The following CNKSR3 variants were observed in gnomAD, a reference collection of about 807,000 sequenced individuals.
CNKSR3 encodes connector enhancer of kinase suppressor of ras 3.
CNKSR3 carries 36 observed loss-of-function variants against 67.7 expected under a neutral mutation model. That is an observed-to-expected ratio of 0.53 (90% CI 0.41 to 0.70). The LOEUF is 0.70. Ranked by LOEUF, CNKSR3 falls within the 30% of genes least tolerant of loss-of-function variation. The probability of loss-of-function intolerance (pLI) is 0.00; values close to 1 mark genes in which losing one functional copy is unlikely to be tolerated. For missense variants in CNKSR3, 630 were observed against 695.2 expected, an observed-to-expected ratio of 0.91 and a Z score of 1.05; for synonymous variants, 281 against 271.4, an observed-to-expected ratio of 1.04 and a Z score of -0.35.
chr6:154,486,801 C>CT (rs913648049), intron 1 of CNKSR3, among the ~76,000 whole-genome samples: 6 of 152,032 alleles, frequency 3.9e-5, no homozygotes, highest in African/African-American at 1.4e-4. Context: ...GCCATCTTTT[C>CT]TTTTTTTAAA....
chr6:154,425,683 T>C (rs1460648445), intron 7 of CNKSR3, among the ~76,000 whole-genome samples: 2 of 151,904 alleles, frequency 1.3e-5, no homozygotes, highest in African/African-American at 4.8e-5. Flanking sequence ...ACACTGCTTG[T>C]CTGACTTTGG....
In CNKSR3 at chr6:154,434,348, C is replaced by T. The variant is rs1785428642; in HGVS notation, c.508-841G>A. ...AAAAAAAAATCGATACAACTAGATT[C>T]TATAGAGTTTATTCAGCCCTATTAA... is the stretch of plus-strand genomic sequence containing the variant. On this transcript the variant is annotated intron_variant, in intron 4 of 12. Coordinates refer to ENST00000607772, the MANE Select transcript of CNKSR3 (RefSeq NM_173515.4). Among the ~76,000 whole-genome samples, 4 of 152,152 alleles carry T rather than the reference C, an allele frequency of 2.6e-5. No individual in the cohort carries two copies. In the South Asian group the frequency reaches 6.2e-4, roughly 24 times the overall value.
chr6:154,464,363 C>G (rs927388238), intron 1 of CNKSR3, among the ~76,000 whole-genome samples: 1 of 152,134 alleles, frequency 6.6e-6, no homozygotes, highest in African/African-American at 2.4e-5. Context: ...ATTCTACTCT[C>G]GGAAACATTC....
rs1231933559 is a variant in CNKSR3 at position 154,395,149 on chromosome 6, G to C, written c.*11205C>G. 11 of 152,128 alleles carry C rather than the reference G, an allele frequency of 7.2e-5. No homozygotes were observed. The highest frequency in any genetic ancestry group is 2.4e-4 in the African/African-American group (10 of 41,428). 9.4% of individuals were successfully genotyped at this position (152,128 alleles called of 1,614,324 possible). On this transcript the variant is annotated 3_prime_UTR_variant, in exon 13 of 13. Transcript: ENST00000607772. ...GACGCGTGCTCCCCCTGCAAGGAGA[G>C]AAGGAAAAAGTAAGAGTTTTCTTAT...
intron 9 of CNKSR3, chr6:154,414,825 G>C (rs1784984569): frequency 1.1e-5 from 5 of 473,438 alleles, no homozygotes; most frequent in Non-Finnish European, 1.7e-5. Flanking sequence ...GGGCACGGCG[G>C]TTCTTGCCTG....
intron 1 of CNKSR3, among the ~76,000 whole-genome samples, chr6:154,454,104 C>CACACACACACACACACACAGAGAGAGAG (rs1268729108): frequency 4.7e-4 from 55 of 116,298 alleles, no homozygotes; most frequent in Non-Finnish European, 8.4e-4. Context: ...CACACACACA[C>CACACACACACACACACACAGAGAGAGAG]AGAGAGAGAG....
intron 1 of CNKSR3, among the ~76,000 whole-genome samples, chr6:154,502,540 G>C (rs900356364): frequency 1.3e-5 from 2 of 152,068 alleles, no homozygotes; most frequent in Non-Finnish European, 2.9e-5. Context: ...GCACCACCTG[G>C]ATAGAGCAGA....
At chr6:154,486,615 C>A (rs1347819071) in intron 1 of CNKSR3, among the ~76,000 whole-genome samples, 3 of 150,248 alleles carry the variant, frequency 2.0e-5, no homozygotes, top group Admixed American at 2.0e-4. Flanking sequence ...GCCTCAGCCT[C>A]CCAAGTAGCT....
At chr6:154,473,868 T>C (rs1249873232) in intron 1 of CNKSR3, among the ~76,000 whole-genome samples, 1 of 151,480 alleles carries the variant, frequency 6.6e-6, no homozygotes, top group African/African-American at 2.4e-5. Flanking sequence ...CACTGCAACC[T>C]CCGACTCCCT....
intron 1 of CNKSR3, among the ~76,000 whole-genome samples, chr6:154,489,610 T>G (rs546595818): frequency 7.2e-5 from 11 of 152,274 alleles, no homozygotes; most frequent in African/African-American, 2.6e-4. Context: ...TAATAAATAC[T>G]AGGTACACTG....
At chr6:154,490,412 T>C (rs1786761686) in intron 1 of CNKSR3, among the ~76,000 whole-genome samples, 1 of 152,194 alleles carries the variant, frequency 6.6e-6, no homozygotes, top group African/African-American at 2.4e-5. Flanking sequence ...TAAGTATATA[T>C]ATCATATGTA....
rs773533317 is a variant in CNKSR3 at position 154,415,227 on chromosome 6, C to CTT, written c.946-805_946-804insAA. Among the ~76,000 whole-genome samples, 49 of 112,792 alleles carry CTT rather than the reference C, an allele frequency of 4.3e-4. 5 individuals carry two copies. The highest frequency in any genetic ancestry group is 6.6e-4 in the Admixed American group (7 of 10,530). The allele number at this position is 112,792 out of a possible 152,430, so 74.0% of individuals were successfully genotyped here. ...ATCCTGGCTAGACTTACTAGCTGCCCATTTTTTTTTTTTTTTTTTTTAAGA... is the reference window on the plus strand; with the variant it reads ...ATCCTGGCTAGACTTACTAGCTGCCCTTATTTTTTTTTTTTTTTTTTTTAAGA... On this transcript the variant is annotated intron_variant, in intron 9 of 12. Coordinates refer to ENST00000607772, the MANE Select transcript of CNKSR3 (RefSeq NM_173515.4).
intron 9 of CNKSR3, among the ~76,000 whole-genome samples, chr6:154,415,175 G>A (rs1009424898): frequency 6.7e-6 from 1 of 148,270 alleles, no homozygotes. Context: ...CTATTGACTA[G>A]GAGTATTGCT....
At chr6:154,416,097 A>C (rs960490998) in intron 9 of CNKSR3, among the ~76,000 whole-genome samples, 3 of 152,184 alleles carry the variant, frequency 2.0e-5, no homozygotes, top group African/African-American at 7.2e-5. Context: ...CCTAGAGAAA[A>C]TAATGAAGCC....
intron 1 of CNKSR3, among the ~76,000 whole-genome samples, chr6:154,460,430 G>C (rs1195707712): frequency 6.6e-6 from 1 of 152,200 alleles, no homozygotes; most frequent in Non-Finnish European, 1.5e-5. Context: ...ATATCTCACA[G>C]CAGACATTAA....
chr6:154,488,256 A>G (rs982632712), intron 1 of CNKSR3, among the ~76,000 whole-genome samples: 1 of 152,250 alleles, frequency 6.6e-6, no homozygotes, highest in African/African-American at 2.4e-5. Context: ...TTAAGTCATT[A>G]TAACAGATTG....
At chr6:154,407,895 A>AAC (rs1554230757) in intron 12 of CNKSR3, among the ~76,000 whole-genome samples, 19 of 147,560 alleles carry the variant, frequency 1.3e-4, no homozygotes, top group Non-Finnish European at 2.6e-4. Context: ...AAAAAAAAAA[A>AAC]CCTAAATTTC....
Position 154,414,443 on chromosome 6 carries a change from G to T in CNKSR3, c.946-20C>A. On this transcript the variant is annotated intron_variant, in intron 9 of 12. Transcript: ENST00000607772. The stretch of plus-strand genomic sequence containing the variant: ...TGAGGTCTGAAACAGGAGTAACACA[G>T]CAATGCAAAGAGTGGAGATCAATTC... 3 of 1,570,014 alleles carry T rather than the reference G, an allele frequency of 1.9e-6. No individual in the cohort carries two copies. Among genetic ancestry groups the T allele is most frequent in the Non-Finnish European group, 2.6e-6 (3 of 1,160,944 alleles).
rs1412621513 is a variant in CNKSR3, at chr6:154,388,487, C to T, written c.*17867G>A. ...GGCAATGAACCTGCAAATGCTAATA[C>T]CTCTTTGGGATCCTGATTTCAATTT... On this transcript the variant is annotated 3_prime_UTR_variant, in exon 13 of 13. Coordinates refer to ENST00000607772, the MANE Select transcript of CNKSR3 (RefSeq NM_173515.4). The T allele has an allele frequency of 6.6e-6, 1 of 152,062 alleles. No individual in the cohort carries two copies. The highest frequency in any genetic ancestry group is 6.6e-5 in the Admixed American group (1 of 15,258). 9.4% of individuals were successfully genotyped at this position (152,062 alleles called of 1,614,324 possible). A position where few individuals can be genotyped will look rare whatever the true frequency, so the allele number is the denominator to read the frequency against.
Sources: allele counts gnomAD v4.1 joint callset (sites outside exome capture counted in the v4.1 genomes callset), GRCh38; gene constraint gnomAD v4.1.1; transcripts MANE v1.5; gene names NCBI Gene and HGNC (gene_info 2026-07-23, HGNC 2026-07-21).